The following PCDHA5 variants were observed in gnomAD, a reference collection of about 807,000 sequenced individuals.
PCDHA5 encodes protocadherin alpha 5, also known as protocadherin alpha-5.
In PCDHA5, 43 loss-of-function variants were observed where a neutral mutation model predicts 61.6. That is an observed-to-expected ratio of 0.70 (90% confidence interval 0.55 to 0.90). The LOEUF (loss-of-function observed/expected upper bound fraction) is 0.90, where lower values mean the gene tolerates loss of function less well. PCDHA5 is among the 40% of genes least tolerant of loss of function. PCDHA5 has a pLI of 0.00. For synonymous variants in PCDHA5, 627 were observed against 543.9 expected (o/e 1.15, Z -2.13); for missense variants, 1,298 against 1,222.7 (o/e 1.06, Z -0.92).
intron 1 of PCDHA5, among the ~76,000 whole-genome samples, chr5:140,838,081 T>TA (rs1554136867): frequency 2.0e-3 from 27 of 13,358 alleles, no homozygotes; most frequent in Middle Eastern, 0.036. Flanking sequence ...ATATATAGTG[T>TA]GTGTGTGTGT....
chr5:140,933,379 G>T (rs1403607512), intron 1 of PCDHA5, among the ~76,000 whole-genome samples: 1 of 151,928 alleles, frequency 6.6e-6, no homozygotes, highest in Non-Finnish European at 1.5e-5. Flanking sequence ...TTCCTTGGCT[G>T]TTCCTAGAGC....
At chr5:140,966,749 C>T (rs1554228607) in intron 1 of PCDHA5, 1 of 1,428,076 alleles carries the variant, frequency 7.0e-7, no homozygotes, top group Middle Eastern at 2.5e-4. Flanking sequence ...CCGGCTGCCT[C>T]CGCCGCGGCC....
intron 1 of PCDHA5, chr5:140,856,334 G>A: frequency 1.3e-6 from 2 of 1,598,614 alleles, no homozygotes; most frequent in Non-Finnish European, 1.7e-6. Context: ...GGAGCTGTGC[G>A]GGCGGAGCGT....
intron 1 of PCDHA5, among the ~76,000 whole-genome samples, chr5:140,838,279 A>AT (rs1775640988): frequency 3.2e-5 from 2 of 62,672 alleles, no homozygotes; most frequent in Non-Finnish European, 5.9e-5. Context: ...AAGCCATGCT[A>AT]ATTTTTTTTT....
At chr5:140,843,345 C>T (rs2150357960) in intron 1 of PCDHA5, 12 of 1,595,968 alleles carry the variant, frequency 7.5e-6, no homozygotes, top group African/African-American at 5.4e-5. Flanking sequence ...AGCGGCCAGG[C>T]TCCAAAAGCG....
At chr5:140,936,112 C>T (rs782017334) in intron 1 of PCDHA5, among the ~76,000 whole-genome samples, 2 of 152,008 alleles carry the variant, frequency 1.3e-5, no homozygotes, top group Non-Finnish European at 2.9e-5. Context: ...AGGCTGGTCT[C>T]GAACTCCTGA....
At position 140,821,762 on chromosome 5, in the gene PCDHA5, G is replaced by A; in HGVS notation, c.-14G>A. On this transcript the variant is annotated 5_prime_UTR_variant, in exon 1 of 4. Transcript: ENST00000529859. ...GTGATGCAATAGAAAGCTCATAATT[G>A]GAACGAGATTGAGATGGTATATTCC... 6.3e-7 allele frequency: 1 copy of A among 1,588,934 alleles called. No individual in the cohort carries two copies. The highest frequency in any genetic ancestry group is 1.3e-5 in the African/African-American group (1 of 74,084).
intron 1 of PCDHA5, among the ~76,000 whole-genome samples, chr5:140,962,851 C>T (rs2095713637): frequency 1.3e-5 from 2 of 152,114 alleles, no homozygotes; most frequent in South Asian, 4.1e-4. Flanking sequence ...ATAACTTGTG[C>T]TCGGTTTGTA....
intron 1 of PCDHA5, among the ~76,000 whole-genome samples, chr5:140,953,567 C>G (rs1385823859): frequency 6.6e-6 from 1 of 152,018 alleles, no homozygotes; most frequent in Non-Finnish European, 1.5e-5. Flanking sequence ...TTTTAGTGCC[C>G]TCCTCTCCCA....
At chr5:140,884,637 A>G in intron 1 of PCDHA5, 2 of 1,610,636 alleles carry the variant, frequency 1.2e-6, no homozygotes, top group Non-Finnish European at 1.7e-6. Flanking sequence ...GGCCAGAGGG[A>G]GGAGGACTCA....
chr5:140,829,193 G>A (rs2150163674), intron 1 of PCDHA5: 1 of 1,614,214 alleles, frequency 6.2e-7, no homozygotes, highest in Admixed American at 1.7e-5. Context: ...ATTTGGTACT[G>A]TCATCGCCCT....
At chr5:140,896,894 T>A (rs1317627647) in intron 1 of PCDHA5, among the ~76,000 whole-genome samples, 6 of 152,208 alleles carry the variant, frequency 3.9e-5, no homozygotes, top group Admixed American at 2.0e-4. Context: ...TGAGACATTT[T>A]GATACAAGCA....
intron 1 of PCDHA5, chr5:140,862,483 G>A (rs1433222220): frequency 1.6e-5 from 6 of 382,112 alleles, no homozygotes; most frequent in Non-Finnish European, 2.6e-5. Context: ...ATCCATTGTT[G>A]GTAATCGCTC....
intron 1 of PCDHA5, chr5:140,829,772 A>C: frequency 6.2e-7 from 1 of 1,613,784 alleles, no homozygotes; most frequent in Non-Finnish European, 8.5e-7. Context: ...CGAGAACGAC[A>C]ACGCGCCGGC....
At chr5:140,884,345 C>T (rs782318945) in intron 1 of PCDHA5, 1 of 1,613,798 alleles carries the variant, frequency 6.2e-7, no homozygotes, top group Non-Finnish European at 8.5e-7. Flanking sequence ...AGAAGCGGCG[C>T]TGGTGGATGT....
At chr5:140,869,325 T>C in intron 1 of PCDHA5, 2 of 1,613,866 alleles carry the variant, frequency 1.2e-6, no homozygotes, top group Non-Finnish European at 1.7e-6. Flanking sequence ...ATGGGGACCT[T>C]CTGGAGGTAA....
intron 1 of PCDHA5, chr5:140,861,856 A>G (rs1225378019): frequency 1.3e-5 from 2 of 156,674 alleles, no homozygotes; most frequent in Admixed American, 1.3e-4. Context: ...TGGTGCTCAA[A>G]GCAACTGATG....
intron 1 of PCDHA5, among the ~76,000 whole-genome samples, chr5:140,907,450 T>C (rs1235040607): frequency 1.1e-4 from 17 of 152,218 alleles, no homozygotes; most frequent in Non-Finnish European, 2.5e-4. Context: ...CAGATGGTAA[T>C]CTTGGCAGAA....
chr5:140,876,094 C>T lies in PCDHA5; in HGVS notation c.2352+51967C>T, dbSNP rs782479233. 13 of 1,613,808 alleles carry T rather than the reference C, an allele frequency of 8.1e-6. No homozygotes were observed. In the Admixed American group the frequency reaches 1.5e-4, roughly 19 times the overall value. On this transcript the variant is annotated intron_variant, in intron 1 of 3. Transcript: ENST00000529859. ...ATTGGACAGAGAGCAAACGCCAAAA[C>T]TCAATTTATTGCTGATGGTAATCGA...
Sources: gnomAD v4.1 joint callset for allele counts (sites outside exome capture counted in the v4.1 genomes callset) on GRCh38, gnomAD v4.1.1 for gene constraint, MANE v1.5 for transcripts, NCBI Gene and HGNC (gene_info 2026-07-23, HGNC 2026-07-21) for gene names.